AFF3: variants seen among roughly 807,000 people sequenced by gnomAD.
The protein encoded by AFF3 is ALF transcription elongation factor 3.
In AFF3, 32 loss-of-function variants were observed where a neutral mutation model predicts 129.7. The observed-to-expected ratio is 0.25, with a 90% confidence interval of 0.19 to 0.33. AFF3 has a LOEUF of 0.33. Ranked by LOEUF, AFF3 falls within the 10% of genes least tolerant of loss-of-function variation. The probability of loss-of-function intolerance (pLI) is 1.00; values close to 1 mark genes in which losing one functional copy is unlikely to be tolerated. For missense variants in AFF3, 1,373 were observed against 1,592.0 expected, an observed-to-expected ratio of 0.86 and a Z score of 2.34; for synonymous variants, 644 against 635.4, an observed-to-expected ratio of 1.01 and a Z score of -0.20.
chr2:99,764,522 A>G (rs564615531), intron 8 of AFF3, among the ~76,000 whole-genome samples: 1 of 152,156 alleles, frequency 6.6e-6, no homozygotes, highest in Non-Finnish European at 1.5e-5. Context: ...TATTTACTTG[A>G]AACTTTTTTG....
At chr2:99,726,189 A>G (rs904177122) in intron 11 of AFF3, among the ~76,000 whole-genome samples, 1 of 152,244 alleles carries the variant, frequency 6.6e-6, no homozygotes, top group Admixed American at 6.5e-5. Flanking sequence ...CAGCTCTCCT[A>G]TTCAAGCCAA....
At chr2:99,584,540 AC>A (rs1233098763) in intron 16 of AFF3, among the ~76,000 whole-genome samples, 1 of 152,088 alleles carries the variant, frequency 6.6e-6, no homozygotes, top group Non-Finnish European at 1.5e-5. Flanking sequence ...CTGATTCCTA[AC>A]TCCTTATTTT....
intron 8 of AFF3, among the ~76,000 whole-genome samples, chr2:99,767,564 C>T (rs1202829841): frequency 6.6e-6 from 1 of 152,184 alleles, no homozygotes; most frequent in African/African-American, 2.4e-5. Context: ...TATGTAACAT[C>T]ACACGTTGTA....
intron 7 of AFF3, among the ~76,000 whole-genome samples, chr2:99,915,967 C>CA (rs1179039992): frequency 6.6e-6 from 1 of 152,092 alleles, no homozygotes; most frequent in Non-Finnish European, 1.5e-5. Flanking sequence ...TTTTATTCTT[C>CA]AAAAATGTAA....
At chr2:99,715,778 T>A (rs1251289072) in intron 11 of AFF3, among the ~76,000 whole-genome samples, 1 of 151,980 alleles carries the variant, frequency 6.6e-6, no homozygotes, top group Non-Finnish European at 1.5e-5. Flanking sequence ...TTCACGCCGT[T>A]CTTCTGCCTC....
chr2:99,968,311 C>T (rs1559019426), intron 7 of AFF3, among the ~76,000 whole-genome samples: 1 of 152,146 alleles, frequency 6.6e-6, no homozygotes, highest in Non-Finnish European at 1.5e-5. Context: ...TACTTTTGCC[C>T]TTAAGTGGAT....
chr2:99,790,802 T>G (rs1685139011), intron 8 of AFF3, among the ~76,000 whole-genome samples: 1 of 152,170 alleles, frequency 6.6e-6, no homozygotes, highest in South Asian at 2.1e-4. Context: ...GTGATTGTAC[T>G]CTGGGTATTT....
chr2:99,623,779 A>G (rs1404219144), intron 13 of AFF3, among the ~76,000 whole-genome samples: 1 of 152,166 alleles, frequency 6.6e-6, no homozygotes, highest in Non-Finnish European at 1.5e-5. Context: ...GCATGCACCC[A>G]TGCCCTCCTG....
At chr2:100,060,087 A>T (rs1559095534) in intron 4 of AFF3, among the ~76,000 whole-genome samples, 1 of 152,166 alleles carries the variant, frequency 6.6e-6, no homozygotes, top group African/African-American at 2.4e-5. Context: ...CCATGAGGGA[A>T]ACACACCCTC....
intron 2 of AFF3, chr2:100,107,640 GGGAAGCTGCTAAATGAGA>G (rs984665953): frequency 2.3e-6 from 1 of 426,592 alleles, no homozygotes; most frequent in Admixed American, 6.4e-5. Flanking sequence ...GGGCTGCTGG[GGGAAGCTGCTAAATGAGA>G]GGAGCTGCTT....
chr2:99,608,307 G>C (rs1257029456), intron 13 of AFF3, among the ~76,000 whole-genome samples: 1 of 152,150 alleles, frequency 6.6e-6, no homozygotes, highest in Non-Finnish European at 1.5e-5. Context: ...ACTCTGTAAA[G>C]GTTTTCCCAG....
intron 11 of AFF3, among the ~76,000 whole-genome samples, chr2:99,714,454 G>C (rs1209389365): frequency 2.0e-5 from 3 of 152,104 alleles, no homozygotes; most frequent in African/African-American, 7.2e-5. Flanking sequence ...ACTTTCTCTA[G>C]ACAAAGGCTG....
intron 7 of AFF3, among the ~76,000 whole-genome samples, chr2:99,885,202 A>C (rs1693017985): frequency 6.6e-6 from 1 of 152,214 alleles, no homozygotes; most frequent in African/African-American, 2.4e-5. Flanking sequence ...TATTGGGAAC[A>C]TCTGCTCATC....
intron 13 of AFF3, among the ~76,000 whole-genome samples, chr2:99,633,097 C>A (rs1185006028): frequency 6.6e-6 from 1 of 152,086 alleles, no homozygotes; most frequent in East Asian, 1.9e-4. Flanking sequence ...CCTCTTTCCC[C>A]AAAATCATCT....
chr2:99,839,486 T>C (rs1689149470), intron 7 of AFF3, among the ~76,000 whole-genome samples: 2 of 152,208 alleles, frequency 1.3e-5, no homozygotes, highest in East Asian at 1.9e-4. Flanking sequence ...CATCAATGCA[T>C]GAGGATTCTA....
chr2:99,688,527 T>A (rs1675293588), intron 11 of AFF3, among the ~76,000 whole-genome samples: 1 of 152,258 alleles, frequency 6.6e-6, no homozygotes, highest in Non-Finnish European at 1.5e-5. Flanking sequence ...TCTCCTTGTC[T>A]TGCTTGGTCA....
Position 100,063,538 on chromosome 2 carries a change from T to C in AFF3, c.53+40864A>G, listed in dbSNP as rs180959550. On this transcript the variant is annotated intron_variant, in intron 4 of 24. Transcript: ENST00000672756. ...TACAGCATTTAGTCAAAGCTAAAAA[T>C]AGAATTAGTGAATTGGAAGGAAGAA... 3.7e-3 allele frequency among the ~76,000 whole-genome samples: 563 copies of C among 151,984 alleles called. 6 individuals carry two copies. Among genetic ancestry groups the C allele is most frequent in the Non-Finnish European group, 6.5e-3 (439 of 67,956 alleles).
intron 2 of AFF3, among the ~76,000 whole-genome samples, chr2:100,124,663 G>C (rs1409416195): frequency 6.6e-6 from 1 of 151,610 alleles, no homozygotes; most frequent in African/African-American, 2.4e-5. Context: ...TGGAGCAGAA[G>C]GGGGGAGATG....
At chr2:99,725,194 C>G (rs565812399) in intron 11 of AFF3, among the ~76,000 whole-genome samples, 3 of 151,978 alleles carry the variant, frequency 2.0e-5, no homozygotes, top group Middle Eastern at 3.4e-3. Context: ...AGGCTAGTTT[C>G]GAACTCCTGA....
Sources: allele counts gnomAD v4.1 joint callset (sites outside exome capture counted in the v4.1 genomes callset), GRCh38; gene constraint gnomAD v4.1.1; transcripts MANE v1.5; gene names NCBI Gene and HGNC (gene_info 2026-07-23, HGNC 2026-07-21).